DNHD1: variants seen among roughly 807,000 people sequenced by gnomAD.
The protein encoded by DNHD1 is dynein heavy chain domain 1.
DNHD1 carries 383 observed loss-of-function variants against 458.1 expected under a neutral mutation model. The ratio of observed to expected loss-of-function variants is 0.84; its 90% confidence interval spans 0.77 to 0.91. The LOEUF is 0.91. DNHD1 is among the 40% of genes least tolerant of loss of function. DNHD1 has a pLI of 0.00. For synonymous variants in DNHD1, 2,203 were observed against 2,376.9 expected (o/e 0.93, Z 2.13); for missense variants, 5,336 against 5,866.1 (o/e 0.91, Z 2.95).
rs143962554 is a variant in DNHD1, at chr11:6,564,719, C to T, written c.10671C>T (p.Asp3557=). The T allele has an allele frequency of 2.1e-4, 331 of 1,550,280 alleles. 2 individuals are homozygous for T. In the East Asian group the frequency reaches 7.9e-3, roughly 37 times the overall value. ...GTTGCCGTTGGCCTCTGCTGCTTGA[C>T]CCCAGCAACGAGGCCCTCATCTGGT... ...YSSCRWPLLL[D]PSNEALIWLD... is the part of the protein sequence containing the mutation. The change falls in exon 32 of 43, where the codon GAC becomes GAT. Residue 3557 remains aspartate (D), a synonymous_variant. Transcript: ENST00000254579.
At position 6,556,941 on chromosome 11, in the gene DNHD1, GT is replaced by G; in HGVS notation, c.7649del (p.Phe2550SerfsTer19). ...HVPIIQAWLE[R>X]FPSVERERAL... Reference sequence around the variant, plus strand: ...CCTATCATTCAGGCTTGGCTTGAGCGTTTCCCTTCTGTGGAACGGGAGCGTG... The same window carrying G: ...CCTATCATTCAGGCTTGGCTTGAGCGTTCCCTTCTGTGGAACGGGAGCGTG... On this transcript the variant is annotated frameshift_variant, in exon 25 of 43. Transcript: ENST00000254579. LOFTEE classifies it high-confidence loss of function. 6.4e-7 allele frequency: 1 copy of G among 1,551,708 alleles called. No homozygotes were observed. The highest frequency in any genetic ancestry group is 8.7e-7 in the Non-Finnish European group (1 of 1,147,004).
intron 7 of DNHD1, 109 bp downstream of exon 7, chr11:6,511,538 C>G (rs1852335798): frequency 1.4e-6 from 2 of 1,400,050 alleles, no homozygotes; most frequent in Non-Finnish European, 1.9e-6. Context: ...GACCTGGACT[C>G]TACAGTTGAA....
Position 6,533,917 on chromosome 11 carries a change from A to AT in DNHD1, c.2745dup (p.Gln916SerfsTer3). On this transcript the variant is annotated frameshift_variant, in exon 14 of 43. Transcript: ENST00000254579. ...CACAGCTTCTGGATATGTGGGAGGC[A>AT]TTTCAGTTTGAGAAAAGCCAGGCTT... 1 of 1,550,934 alleles carries AT rather than the reference A, an allele frequency of 6.4e-7. No individual in the cohort carries two copies. The highest frequency in any genetic ancestry group is 8.7e-7 in the Non-Finnish European group (1 of 1,146,818).
At position 6,558,224 on chromosome 11, in the gene DNHD1, C is replaced by T. The variant is rs1018473519; in HGVS notation, c.8929C>T (p.Arg2977Cys). 2.1e-5 allele frequency: 32 copies of T among 1,551,690 alleles called. No homozygotes were observed. Among genetic ancestry groups the T allele is most frequent in the Non-Finnish European group, 2.5e-5 (29 of 1,146,990 alleles). ...CCAGTACACAGAAGCAGATTTGGAC[C>T]GCATTGGAGAACACCTCCCCAGGGA... ...PGQYTEADLD[R>C]IGEHLPRENL... Residue 2977 changes from arginine (R) to cysteine (C), a missense_variant, in exon 25 of 43, where the codon CGC (arginine) becomes TGC (cysteine). Arg to Cys is a radical substitution (Grantham distance 180). Around this residue, in one of 4 missense-constraint regions of DNHD1, gnomAD observed 3,932 missense variants for 4,365.6 expected, o/e 0.90. Transcript: ENST00000254579.
In DNHD1 at chr11:6,558,086, AGCTGGCAT is replaced by A. The variant is rs963459054; in HGVS notation, c.8801_8808del (p.Ala2934ValfsTer83). ...CATTCTCCAATGTCTACGAGATGCCAGCTGGCATGCTGGCATGTTAAGCCAGCCAGTGG... is the reference window on the plus strand; with the variant it reads ...CATTCTCCAATGTCTACGAGATGCCAGCTGGCATGTTAAGCCAGCCAGTGG... On this transcript the variant is annotated frameshift_variant, in exon 25 of 43. Transcript: ENST00000254579. LOFTEE classifies it high-confidence loss of function. 5.2e-6 allele frequency: 8 copies of A among 1,551,586 alleles called. No homozygotes were observed. The African/African-American group carries it at 5.5e-5, about 11-fold the overall frequency.
chr11:6,563,263 G>T (rs903666608), intron 29 of DNHD1, 119 bp from the exon 30 acceptor site: 2 of 1,507,442 alleles, frequency 1.3e-6, no homozygotes, highest in African/African-American at 2.8e-5. Context: ...AAGGTAATAG[G>T]ATGGCTTGGG....
At chr11:6,521,090 T>C (rs1003823615) in intron 10 of DNHD1, among the ~76,000 whole-genome samples, 11 of 152,214 alleles carry the variant, frequency 7.2e-5, no homozygotes, top group African/African-American at 2.7e-4. Flanking sequence ...TTGTTTTACA[T>C]GGTGCTGTGG....
intron 32 of DNHD1, among the ~76,000 whole-genome samples, 176 bp from the exon 33 acceptor site, chr11:6,565,519 C>T (rs1374518372): frequency 1.3e-5 from 2 of 152,184 alleles, no homozygotes; most frequent in Non-Finnish European, 2.9e-5. Flanking sequence ...GAGGTCGCCA[C>T]TAATATCAAC....
rs376990274 is a variant in DNHD1, at chr11:6,508,875, T to C, written c.921-5T>C. On this transcript the variant is annotated splice_polypyrimidine_tract_variant and splice_region_variant and intron_variant, in intron 4 of 42. Transcript: ENST00000254579. ...CCTTCACTGATCAGAGCTCTTTTTT[T>C]AAAGGCCTTACAGCCTGATGGTGGT... is the stretch of plus-strand genomic sequence containing the variant. 3.1e-6 allele frequency: 5 copies of C among 1,613,836 alleles called. No homozygotes were observed. In the East Asian group the frequency reaches 8.9e-5, roughly 29 times the overall value.
intron 26 of DNHD1, 63 bp downstream of exon 26, chr11:6,558,756 T>G (rs1853522670): frequency 1.3e-6 from 2 of 1,523,848 alleles, no homozygotes; most frequent in Admixed American, 3.9e-5. Context: ...GGTTATTACC[T>G]AGGTCAGTCT....
At position 6,520,070 on chromosome 11, in the gene DNHD1, G is replaced by A; in HGVS notation, c.1753G>A (p.Gly585Ser). 1 of 1,614,194 alleles carries A rather than the reference G, an allele frequency of 6.2e-7. No homozygotes were observed. Among genetic ancestry groups the A allele is most frequent in the Non-Finnish European group, 8.5e-7 (1 of 1,180,032 alleles). ...AAATATGATCCAGACTCTAACTGGA[G>A]GCCTACAGTCTGTCAAGACCTCTGC... Reference protein sequence around the residue: ...VENMIQTLTGGLQSVKTSALQ... With the variant: ...VENMIQTLTGSLQSVKTSALQ... Residue 585 changes from glycine (G) to serine (S), a missense_variant, in exon 9 of 43, where the codon GGC (glycine) becomes AGC (serine). By Grantham distance (56) the Gly-to-Ser change is moderately conservative. Around this residue, in one of 4 missense-constraint regions of DNHD1, gnomAD observed 3,932 missense variants for 4,365.6 expected, o/e 0.90. Coordinates refer to ENST00000254579, the MANE Select transcript of DNHD1 (RefSeq NM_144666.3).
chr11:6,513,992 T>C (rs1037657332), intron 7 of DNHD1, among the ~76,000 whole-genome samples: 1 of 151,874 alleles, frequency 6.6e-6, no homozygotes, highest in Non-Finnish European at 1.5e-5. Context: ...TACAGGCACC[T>C]GCCACCACGC....
At chr11:6,547,826 A>G (rs1288526775) in intron 21 of DNHD1, 37 bp from the exon 22 acceptor site, 6 of 1,547,788 alleles carry the variant, frequency 3.9e-6, no homozygotes, top group East Asian at 4.9e-5. Flanking sequence ...ACCTTTTTCT[A>G]CTGGGGCTCC....
intron 3 of DNHD1, among the ~76,000 whole-genome samples, chr11:6,499,708 C>T (rs1201117404): frequency 6.6e-6 from 1 of 151,996 alleles, no homozygotes; most frequent in Non-Finnish European, 1.5e-5. Flanking sequence ...GCTGGGACTA[C>T]AGGCACGTGC....
rs1229771159 is a variant in DNHD1 at position 6,509,259 on chromosome 11, C to T, written c.1222C>T (p.Leu408Phe). 4 of 1,613,426 alleles carry T rather than the reference C, an allele frequency of 2.5e-6. No homozygotes were observed. The highest frequency in any genetic ancestry group is 3.4e-6 in the Non-Finnish European group (4 of 1,179,868). ...LAVPHFGAGL[L>F]HISRLLQELH... ...TGTGCCCCACTTTGGAGCTGGGCTA[C>T]TCCATATTAGCAGGTGAGGTATTAA... The change falls in exon 6 of 43, where the codon CTC becomes TTC. Residue 408 changes from leucine (L) to phenylalanine (F), a missense_variant. Transcript: ENST00000254579.
intron 10 of DNHD1, 115 bp downstream of exon 10, chr11:6,520,404 T>C: frequency 6.5e-7 from 1 of 1,537,722 alleles, no homozygotes; most frequent in East Asian, 2.5e-5. Context: ...GCACTGGGTG[T>C]GGATGGAGCA....
rs1852282472 is a variant in DNHD1 at position 6,509,001 on chromosome 11, T to A, written c.1042T>A (p.Trp348Arg). 1 of 1,614,144 alleles carries A rather than the reference T, an allele frequency of 6.2e-7. No homozygotes were observed. Among genetic ancestry groups the A allele is most frequent in the Admixed American group, 1.7e-5 (1 of 60,010 alleles). The change falls in exon 5 of 43, where the codon TGG (tryptophan) becomes AGG (arginine). Residue 348 changes from tryptophan (W) to arginine (R), a missense_variant. This residue lies in a region of DNHD1 where 3,932 missense variants were observed against 4,365.6 expected (regional missense o/e 0.90). Transcript: ENST00000254579. ...TAGCGAGACGATGACACTGGGTACC[T>A]GGCACCATCACTGTGTTCTCTGGCA... is the stretch of plus-strand genomic sequence containing the variant. ...EGSETMTLGT[W>R]HHHCVLWQQL...
chr11:6,539,661 G>A (rs1295224681), intron 17 of DNHD1, among the ~76,000 whole-genome samples: 1 of 152,206 alleles, frequency 6.6e-6, no homozygotes, highest in Non-Finnish European at 1.5e-5. Context: ...GTGGGTGGGG[G>A]TTCCAAAGCA....
At chr11:6,525,054 G>C (rs1005501578) in intron 10 of DNHD1, among the ~76,000 whole-genome samples, 1 of 152,166 alleles carries the variant, frequency 6.6e-6, no homozygotes, top group African/African-American at 2.4e-5. Context: ...CCACAATAAA[G>C]TGGTTTTCAT....
Sources: gnomAD v4.1 joint callset for allele counts (sites outside exome capture counted in the v4.1 genomes callset) on GRCh38, gnomAD v4.1.1 for gene constraint, gnomAD v4.1.1 regional missense constraint, MANE v1.5 for transcripts, NCBI Gene and HGNC (gene_info 2026-07-23, HGNC 2026-07-21) for gene names.